The following CCDC91 variants were observed in gnomAD, a reference collection of about 807,000 sequenced individuals.
CCDC91 encodes the protein coiled-coil domain containing 91, also known as coiled-coil domain-containing protein 91.
In CCDC91, 48 loss-of-function variants were observed where a neutral mutation model predicts 63.2. That is an observed-to-expected ratio of 0.76 (90% CI 0.60 to 0.97). CCDC91 has a LOEUF of 0.97. Ranked by LOEUF, CCDC91 falls within the 50% of genes least tolerant of loss-of-function variation. The probability of loss-of-function intolerance (pLI) is 0.00; values close to 1 mark genes in which losing one functional copy is unlikely to be tolerated. For missense variants in CCDC91, 500 were observed against 494.6 expected (o/e 1.01, Z -0.10); for synonymous variants, 167 against 165.8 (o/e 1.01, Z -0.06).
intron 8 of CCDC91, among the ~76,000 whole-genome samples, chr12:28,430,898 C>T (rs763547578): frequency 1.3e-5 from 2 of 152,024 alleles, no homozygotes; most frequent in African/African-American, 2.4e-5. Context: ...TACTTGTCTT[C>T]GTATTAGTTT....
intron 6 of CCDC91, among the ~76,000 whole-genome samples, chr12:28,335,199 A>C (rs1399667177): frequency 7.2e-6 from 1 of 138,022 alleles, no homozygotes; most frequent in Non-Finnish European, 1.6e-5. Flanking sequence ...ATATTTATAA[A>C]TATATATTCA....
intron 3 of CCDC91, among the ~76,000 whole-genome samples, chr12:28,274,781 C>A (rs1948076503): frequency 1.3e-5 from 2 of 152,096 alleles, no homozygotes; most frequent in Admixed American, 1.3e-4. Context: ...ATCATGTCAT[C>A]TGCAAACAGG....
chr12:28,467,156 A>G (rs534260319), intron 11 of CCDC91, among the ~76,000 whole-genome samples: 2 of 152,160 alleles, frequency 1.3e-5, no homozygotes, highest in East Asian at 1.9e-4. Flanking sequence ...AAACTCTCCA[A>G]TCAAAAGCTG....
intron 5 of CCDC91, 122 bp from the exon 6 acceptor site, chr12:28,307,523 T>C: frequency 1.8e-6 from 1 of 570,912 alleles, no homozygotes; most frequent in East Asian, 3.2e-5. Flanking sequence ...TTGTTAGATT[T>C]TAAGCCGTAC....
At chr12:28,504,709 C>T (rs1938484037) in intron 12 of CCDC91, among the ~76,000 whole-genome samples, 1 of 151,872 alleles carries the variant, frequency 6.6e-6, no homozygotes, top group Non-Finnish European at 1.5e-5. Context: ...ATGTTTGCTT[C>T]TTTCTTTCAC....
chr12:28,506,335 C>G (rs1438171654), intron 12 of CCDC91, among the ~76,000 whole-genome samples: 1 of 151,940 alleles, frequency 6.6e-6, no homozygotes, highest in Non-Finnish European at 1.5e-5. Flanking sequence ...GGCACCATTA[C>G]TAGGAATGAA....
chr12:28,415,969 G>GTTTTT, intron 8 of CCDC91, among the ~76,000 whole-genome samples: 1 of 148,608 alleles, frequency 6.7e-6, no homozygotes, highest in Non-Finnish European at 1.5e-5. Flanking sequence ...TGAGGAATGT[G>GTTTTT]TTTTTTTTTT....
chr12:28,486,008 T>C (rs1401160104), intron 12 of CCDC91, among the ~76,000 whole-genome samples: 2 of 152,206 alleles, frequency 1.3e-5, no homozygotes, highest in Non-Finnish European at 2.9e-5. Flanking sequence ...ACATGAGTTC[T>C]TCCTCTTAAA....
intron 8 of CCDC91, among the ~76,000 whole-genome samples, chr12:28,440,287 C>T (rs1238906553): frequency 6.6e-6 from 1 of 152,152 alleles, no homozygotes; most frequent in African/African-American, 2.4e-5. Flanking sequence ...CATATTGCCT[C>T]ACTAGGTATG....
At chr12:28,430,348 A>G (rs1324741462) in intron 8 of CCDC91, among the ~76,000 whole-genome samples, 3 of 152,086 alleles carry the variant, frequency 2.0e-5, no homozygotes, top group Non-Finnish European at 2.9e-5. Flanking sequence ...CTCTATTGTC[A>G]GAATAATTCT....
At chr12:28,517,667 T>C (rs553559859) in intron 12 of CCDC91, among the ~76,000 whole-genome samples, 1 of 151,994 alleles carries the variant, frequency 6.6e-6, no homozygotes, top group African/African-American at 2.4e-5. Context: ...TTTGTGAGAT[T>C]TGGGTGATAT....
intron 8 of CCDC91, among the ~76,000 whole-genome samples, chr12:28,433,111 A>C (rs1948719674): frequency 6.6e-6 from 1 of 151,846 alleles, no homozygotes; most frequent in African/African-American, 2.4e-5. Context: ...GCTTTGGAAA[A>C]TAGTCCTTTA....
At chr12:28,251,914 C>T (rs1366204050) in intron 1 of CCDC91, among the ~76,000 whole-genome samples, 1 of 152,066 alleles carries the variant, frequency 6.6e-6, no homozygotes, top group Non-Finnish European at 1.5e-5. Context: ...CTTTCCTAAT[C>T]CTATGTCTTT....
chr12:28,520,912 T>A (rs1266371987), intron 12 of CCDC91, among the ~76,000 whole-genome samples: 1 of 151,972 alleles, frequency 6.6e-6, no homozygotes, highest in Non-Finnish European at 1.5e-5. Context: ...GAGTGCTCTG[T>A]TCTGTTGCAT....
intron 6 of CCDC91, among the ~76,000 whole-genome samples, chr12:28,335,966 A>G (rs375018547): frequency 6.6e-6 from 1 of 151,622 alleles, no homozygotes; most frequent in East Asian, 1.9e-4. Context: ...AAAAAACCAC[A>G]CAATTTTTTA....
chr12:28,461,295 G>GAAA (rs1950300154), intron 11 of CCDC91, among the ~76,000 whole-genome samples: 2 of 151,968 alleles, frequency 1.3e-5, no homozygotes, highest in Admixed American at 1.3e-4. Context: ...TGAATTGGGT[G>GAAA]GAAGGTTGAA....
At chr12:28,241,995 CAAAAA>C (rs1209663723) in intron 1 of CCDC91, among the ~76,000 whole-genome samples, 1 of 41,424 alleles carries the variant, frequency 2.4e-5, no homozygotes, top group African/African-American at 7.3e-5. Flanking sequence ...GACTCCTTCT[CAAAAA>C]AAAAAAAAAA....
chr12:28,522,390 T>A (rs1940786787), intron 12 of CCDC91, among the ~76,000 whole-genome samples: 2 of 152,184 alleles, frequency 1.3e-5, no homozygotes, highest in Admixed American at 6.6e-5. Flanking sequence ...CTGATGGTAG[T>A]TTGTATTTCT....
At chr12:28,420,333 T>C (rs1427129912) in intron 8 of CCDC91, among the ~76,000 whole-genome samples, 1 of 152,188 alleles carries the variant, frequency 6.6e-6, no homozygotes, top group African/African-American at 2.4e-5. Flanking sequence ...TAAATGGATA[T>C]GTTTGAGCAC....
Sources: gnomAD v4.1 joint callset for allele counts (sites outside exome capture counted in the v4.1 genomes callset) on GRCh38, gnomAD v4.1.1 for gene constraint, MANE v1.5 for transcripts, NCBI Gene and HGNC (gene_info 2026-07-23, HGNC 2026-07-21) for gene names.